The following GRK5 variants were observed in gnomAD, a reference collection of about 807,000 sequenced individuals.
GRK5 encodes the protein g protein-coupled receptor kinase GRK5.
In GRK5, 40 loss-of-function variants were observed where a neutral mutation model predicts 78.4. The observed-to-expected ratio is 0.51, with a 90% CI of 0.40 to 0.66. The LOEUF is 0.66. Ranked by LOEUF, GRK5 falls within the 30% of genes least tolerant of loss-of-function variation. The probability of loss-of-function intolerance (pLI) is 0.00; values close to 1 mark genes in which losing one functional copy is unlikely to be tolerated. For synonymous variants in GRK5, 289 were observed against 296.8 expected, an observed-to-expected ratio of 0.97 and a Z score of 0.27; for missense variants, 598 against 759.9, an observed-to-expected ratio of 0.79 and a Z score of 2.50.
chr10:119,275,613 G>GCGCACACACACACACACACACACACA (rs1195537574), intron 1 of GRK5, among the ~76,000 whole-genome samples: 10 of 120,750 alleles, frequency 8.3e-5, no homozygotes, highest in African/African-American at 2.6e-4. Flanking sequence ...TCTCTCTCTC[G>GCGCACACACACACACACACACACACA]CACACACACA....
chr10:119,353,932 C>CTTTTTTTTTTTT (rs761463283), intron 2 of GRK5, among the ~76,000 whole-genome samples: 9 of 108,670 alleles, frequency 8.3e-5, no homozygotes, highest in Admixed American at 2.1e-4. Context: ...TTTTTTCTTT[C>CTTTTTTTTTTTT]TTTTTTTTTT....
intron 2 of GRK5, among the ~76,000 whole-genome samples, chr10:119,353,300 G>A (rs957269576): frequency 5.9e-5 from 9 of 152,208 alleles, no homozygotes; most frequent in African/African-American, 2.2e-4. Context: ...TGGAGGCAGA[G>A]ATGGGGAGAG....
intron 3 of GRK5, among the ~76,000 whole-genome samples, chr10:119,394,804 G>GGGGTGTGTGTGT (rs1852012900): frequency 8.5e-6 from 1 of 117,446 alleles, no homozygotes; most frequent in African/African-American, 3.7e-5. Flanking sequence ...TGGGTGTGTG[G>GGGGTGTGTGTGT]GTGTGTGTGT....
Position 119,430,161 on chromosome 10 carries a change from G to C in GRK5, c.534-214G>C, listed in dbSNP as rs1216107213. 2.6e-5 allele frequency among the ~76,000 whole-genome samples: 4 copies of C among 152,274 alleles called. No homozygotes were observed. In the East Asian group the frequency reaches 7.7e-4, roughly 29 times the overall value. On this transcript the variant is annotated intron_variant, in intron 6 of 15. Transcript: ENST00000392870. The surrounding 1 kb of genome is among the most constrained non-coding windows in gnomAD (Gnocchi z 4.5). ...ATCCCCCAGCTTGCAGGGGGCTGGG[G>C]GCTGGGGGCCAGGGGGCTTGGGATT...
At chr10:119,292,746 C>T (rs1850006062) in intron 1 of GRK5, among the ~76,000 whole-genome samples, 1 of 152,146 alleles carries the variant, frequency 6.6e-6, no homozygotes, top group Admixed American at 6.5e-5. Flanking sequence ...TATTTTAACT[C>T]ATCTCTAGAT....
chr10:119,349,246 T>C (rs1181666859), intron 2 of GRK5, among the ~76,000 whole-genome samples: 2 of 152,052 alleles, frequency 1.3e-5, no homozygotes, highest in African/African-American at 4.8e-5. Flanking sequence ...CGGTCAAGCC[T>C]GGGTTTCCTC....
rs756923300 is a variant in GRK5 at position 119,452,731 on chromosome 10, G to A, written c.1465G>A (p.Val489Ile). ...DIEQFSTVKG[V>I]NLDHTDDDFY... ...CGAGCAGTTCTCCACTGTGAAGGGC[G>A]TCAATCTGGACCACACAGACGACGA... The change falls in exon 14 of 16, where the codon GTC becomes ATC. Residue 489 changes from valine to isoleucine, a missense_variant. By Grantham distance (29) the Val-to-Ile change is conservative (BLOSUM62 3). Coordinates refer to ENST00000392870, the MANE Select transcript of GRK5 (RefSeq NM_005308.3). The surrounding 1 kb of genome is among the most constrained non-coding windows in gnomAD (Gnocchi z 4.4). 1.9e-5 allele frequency: 31 copies of A among 1,613,784 alleles called. No homozygotes were observed. Among genetic ancestry groups the A allele is most frequent in the African/African-American group, 1.5e-4 (11 of 74,892 alleles).
chr10:119,442,057 C>G lies in GRK5; in HGVS notation c.1026C>G (p.Ile342Met). Residue 342 changes from isoleucine to methionine, a missense_variant, in exon 11 of 16, where the codon ATC becomes ATG. Transcript: ENST00000392870. ...LAVKIPEGDLIRGRVGTVGYM... is the reference protein window; with the variant it reads ...LAVKIPEGDLMRGRVGTVGYM... ...TGAAGATCCCCGAGGGAGACCTGATCCGCGGCCGGGTGGGCACTGTTGGCT... is the reference window on the plus strand; with the variant it reads ...TGAAGATCCCCGAGGGAGACCTGATGCGCGGCCGGGTGGGCACTGTTGGCT... The G allele has an allele frequency of 6.2e-7, 1 of 1,614,006 alleles. No individual in the cohort carries two copies. Among genetic ancestry groups the G allele is most frequent in the Admixed American group, 1.7e-5 (1 of 60,032 alleles).
In GRK5 at chr10:119,354,361, T is replaced by C. The variant is rs111639808; in HGVS notation, c.149-26454T>C. 2.6e-3 allele frequency among the ~76,000 whole-genome samples: 399 copies of C among 150,720 alleles called. 3 individuals carry two copies. The highest frequency in any genetic ancestry group is 9.0e-3 in the African/African-American group (371 of 41,174). The stretch of plus-strand genomic sequence containing the variant: ...AGTGTACATTAGATCTCTAGACTTA[T>C]CCTACATAACTGCAACTTTGTGCCC... On this transcript the variant is annotated intron_variant, in intron 2 of 15. Coordinates refer to ENST00000392870, the MANE Select transcript of GRK5 (RefSeq NM_005308.3).
intron 2 of GRK5, among the ~76,000 whole-genome samples, chr10:119,369,163 AT>A (rs1851502608): frequency 6.6e-6 from 1 of 152,270 alleles, no homozygotes; most frequent in East Asian, 1.9e-4. Flanking sequence ...CGCCCTGGAG[AT>A]TTGATGCAGT....
chr10:119,366,149 CACCCTAT>C (rs1851445717), intron 2 of GRK5, among the ~76,000 whole-genome samples: 1 of 152,214 alleles, frequency 6.6e-6, no homozygotes, highest in Non-Finnish European at 1.5e-5. Context: ...GCAATTCCAA[CACCCTAT>C]TAAAGCCAAG....
chr10:119,438,271 A>G (rs1169233587), intron 9 of GRK5, among the ~76,000 whole-genome samples: 3 of 152,178 alleles, frequency 2.0e-5, no homozygotes, highest in Non-Finnish European at 4.4e-5. Context: ...GAGAAAGGGC[A>G]GATGGGAGGG....
chr10:119,310,351 C>T (rs1436319366), intron 1 of GRK5, among the ~76,000 whole-genome samples: 1 of 152,188 alleles, frequency 6.6e-6, no homozygotes, highest in Non-Finnish European at 1.5e-5. Flanking sequence ...CACTTATCTC[C>T]CTTCCCCTGG....
rs192378168 is a variant in GRK5 at position 119,253,764 on chromosome 10, A to C, written c.52+45795A>C. ...ATTCCAGAAAAATGCAGTGTCTCCC[A>C]GATACGGCTTCTGGAGCTTTGCCTG... On this transcript the variant is annotated intron_variant, in intron 1 of 15. Transcript: ENST00000392870. This position sits in a 1 kb window ranked among gnomAD's most constrained non-coding sequence, Gnocchi z 5.7. Among the ~76,000 whole-genome samples, 6 of 152,236 alleles carry C rather than the reference A, an allele frequency of 3.9e-5. No individual in the cohort carries two copies. Among genetic ancestry groups the C allele is most frequent in the Middle Eastern group, 6.8e-3 (2 of 294 alleles).
At chr10:119,396,943 T>C (rs1852065391) in intron 4 of GRK5, among the ~76,000 whole-genome samples, 171 bp downstream of exon 4, 1 of 152,250 alleles carries the variant, frequency 6.6e-6, no homozygotes, top group Admixed American at 6.5e-5. Flanking sequence ...TGCCCAAGCC[T>C]GGCAGGGCCA....
chr10:119,277,352 T>A (rs1414351304), intron 1 of GRK5, among the ~76,000 whole-genome samples: 2 of 152,204 alleles, frequency 1.3e-5, no homozygotes, highest in African/African-American at 2.4e-5. Context: ...GGTTTCCTGA[T>A]GTCAAAATAA....
intron 1 of GRK5, among the ~76,000 whole-genome samples, chr10:119,241,889 G>C (rs1434070903): frequency 6.6e-6 from 1 of 152,178 alleles, no homozygotes; most frequent in Non-Finnish European, 1.5e-5. Flanking sequence ...AGGCAGCTAG[G>C]ATTTGGGGCT....
At chr10:119,337,992 T>C (rs1030948486) in intron 2 of GRK5, among the ~76,000 whole-genome samples, 4 of 152,202 alleles carry the variant, frequency 2.6e-5, no homozygotes, top group Non-Finnish European at 2.9e-5. Flanking sequence ...TCATTTTAAC[T>C]TGATTATCTC....
At chr10:119,400,784 A>C (rs562418820) in intron 4 of GRK5, among the ~76,000 whole-genome samples, 17 of 152,328 alleles carry the variant, frequency 1.1e-4, no homozygotes, top group Middle Eastern at 6.8e-3. Context: ...GCAAGAGGCC[A>C]TCTGGGGAAC....
Sources: allele counts gnomAD v4.1 joint callset (sites outside exome capture counted in the v4.1 genomes callset), GRCh38; gene constraint gnomAD v4.1.1; non-coding constraint Gnocchi (gnomAD v3.1); transcripts MANE v1.5; gene names NCBI Gene and HGNC (gene_info 2026-07-23, HGNC 2026-07-21).